MYO1C: variants seen among roughly 807,000 people sequenced by gnomAD.
The protein encoded by MYO1C is myosin IC.
In MYO1C, 104 loss-of-function variants were observed where a neutral mutation model predicts 150.8. That is an observed-to-expected ratio of 0.69 (90% confidence interval 0.59 to 0.81). The LOEUF (loss-of-function observed/expected upper bound fraction) is 0.81. MYO1C is among the 30% of genes least tolerant of loss of function. MYO1C has a pLI of 0.00. For synonymous variants in MYO1C, 663 were observed against 579.9 expected (o/e 1.14, Z -2.06); for missense variants, 1,504 against 1,435.0 (o/e 1.05, Z -0.78).
chr17:1,470,905 C>T (rs1047887746), intron 21 of MYO1C, 166 bp downstream of exon 21: 8 of 938,480 alleles, frequency 8.5e-6, no homozygotes, highest in Non-Finnish European at 1.3e-5. Context: ...TGGGGAGGGG[C>T]TCCAAGTCGG....
Position 1,470,299 on chromosome 17 carries a change from C to A in MYO1C, c.2402G>T (p.Arg801Leu), listed in dbSNP as rs777758050. 1 of 1,335,068 alleles carries A rather than the reference C, an allele frequency of 7.5e-7. No homozygotes were observed. Among genetic ancestry groups the A allele is most frequent in the Non-Finnish European group, 9.8e-7 (1 of 1,018,230 alleles). The allele number at this position is 1,335,068 out of a possible 1,614,324, so 82.7% of individuals were successfully genotyped here. Residue 801 changes from arginine (R) to leucine (L), a missense_variant, in exon 24 of 32, where the codon CGC becomes CTC. By Grantham distance (102) the Arg-to-Leu change is moderately radical. Coordinates refer to ENST00000648651, the MANE Select transcript of MYO1C (RefSeq NM_001080779.2). ...CAGGAAGAAGGCGTTCTCGGGGCAGCGGGGGGCGTGGCGCAGGACGAAGCC... is the reference window on the plus strand; with the variant it reads ...CAGGAAGAAGGCGTTCTCGGGGCAGAGGGGGGCGTGGCGCAGGACGAAGCC... ...IRGFVLRHAP[R>L]CPENAFFLDH...
At position 1,480,751 on chromosome 17, in the gene MYO1C, C is replaced by G; in HGVS notation, c.762G>C (p.Arg254Ser). The change falls in exon 6 of 32, where the codon AGG becomes AGC. Residue 254 changes from arginine (R) to serine (S), a missense_variant. By Grantham distance (110) the Arg-to-Ser change is moderately radical. Coordinates refer to ENST00000648651, the MANE Select transcript of MYO1C (RefSeq NM_001080779.2). ...LEGGEEETLR[R>S]LGLERNPQSY... ...TCTGGGGGTTCCGTTCCAAGCCCAG[C>G]CTGCGAAGAGTCTCCTCCTCGCCCC... 1 of 1,614,190 alleles carries G rather than the reference C, an allele frequency of 6.2e-7. No individual in the cohort carries two copies. The highest frequency in any genetic ancestry group is 1.1e-5 in the South Asian group (1 of 91,080).
Position 1,478,382 on chromosome 17 carries a change from GGA to G in MYO1C, c.1295+26_1295+27del. ...GAGGGAGCAGGACAGGAGACCGGGA[GGA>G]GAGACGGGGGAAAGATGGCACCGAC... On this transcript the variant is annotated intron_variant, in intron 11 of 31. Coordinates refer to ENST00000648651, the MANE Select transcript of MYO1C (RefSeq NM_001080779.2). The surrounding 1 kb of genome is among the most constrained non-coding windows in gnomAD (Gnocchi z 6.3). 1 of 1,613,328 alleles carries G rather than the reference GGA, an allele frequency of 6.2e-7. No homozygotes were observed. Among genetic ancestry groups the G allele is most frequent in the Non-Finnish European group, 8.5e-7 (1 of 1,179,264 alleles).
chr17:1,485,291 G>T (rs2074628458), intron 1 of MYO1C: 1 of 1,127,400 alleles, frequency 8.9e-7, no homozygotes. Flanking sequence ...GAACAAGGTG[G>T]TGGTGATTGG....
At chr17:1,475,387 C>A (rs1455322597) in intron 14 of MYO1C, among the ~76,000 whole-genome samples, 1 of 151,122 alleles carries the variant, frequency 6.6e-6, no homozygotes, top group Non-Finnish European at 1.5e-5. Flanking sequence ...CCACTACACT[C>A]CAAAAAAAAA....
rs2074200668 is a variant in MYO1C at position 1,467,543 on chromosome 17, T to C, written c.3002A>G (p.Glu1001Gly). The C allele has an allele frequency of 6.2e-7, 1 of 1,613,336 alleles. No homozygotes were observed. The highest frequency in any genetic ancestry group is 8.5e-7 in the Non-Finnish European group (1 of 1,179,934). The change falls in exon 30 of 32, where the codon GAG (glutamate) becomes GGG (glycine). Residue 1001 changes from glutamate to glycine, a missense_variant. By Grantham distance (98) the Glu-to-Gly change is moderately conservative (BLOSUM62 -2). Transcript: ENST00000648651. ...ACTGAGGGCTGTCTTGGTCAGCGTC[T>C]CAATCACGTGGTCACTCTGCAGCAC... Reference protein sequence around the residue: ...DVVLQSDHVIETLTKTALSAN... With the variant: ...DVVLQSDHVIGTLTKTALSAN...
At position 1,478,277 on chromosome 17, in the gene MYO1C, C is replaced by T; in HGVS notation, c.1296-85G>A. The T allele has an allele frequency of 3.2e-6, 5 of 1,557,836 alleles. No homozygotes were observed. In the South Asian group the frequency reaches 3.3e-5, roughly 10 times the overall value. On this transcript the variant is annotated intron_variant, in intron 11 of 31. Transcript: ENST00000648651. This position sits in a 1 kb window ranked among gnomAD's most constrained non-coding sequence, Gnocchi z 6.3. ...AAAAGCTGGACGACGCCCCTGAGCA[C>T]AGGAGGTGAGAAACACAGAGACAGT...
In MYO1C at chr17:1,483,792, C is replaced by T. The variant is rs2074590390; in HGVS notation, c.232-67G>A. 5 of 1,327,206 alleles carry T rather than the reference C, an allele frequency of 3.8e-6. No individual in the cohort carries two copies. The Admixed American group carries it at 5.9e-5, about 16-fold the overall frequency. The allele number at this position is 1,327,206 out of a possible 1,614,324, so 82.2% of individuals were successfully genotyped here. The stretch of plus-strand genomic sequence containing the variant: ...GGTGCGATGGCTCATGCCTGTAATC[C>T]CAGCACTTTGGGAGGCCAAGGTGGG... On this transcript the variant is annotated intron_variant, in intron 2 of 31. Transcript: ENST00000648651.
chr17:1,467,130 G>C lies in MYO1C; in HGVS notation c.3165+112C>G, dbSNP rs1185687650. On this transcript the variant is annotated intron_variant, in intron 31 of 31. Transcript: ENST00000648651. ...GGCCAAGGGATGGAAGAGGTGGTATGATGGCCTCTGGATGAAGGCCCATGG... is the reference window on the plus strand; with the variant it reads ...GGCCAAGGGATGGAAGAGGTGGTATCATGGCCTCTGGATGAAGGCCCATGG... 4 of 996,510 alleles carry C rather than the reference G, an allele frequency of 4.0e-6. No individual in the cohort carries two copies. In the East Asian group the frequency reaches 1.0e-4, roughly 26 times the overall value. The allele number at this position is 996,510 out of a possible 1,614,324, so 61.7% of individuals were successfully genotyped here.
chr17:1,480,144 C>CAAAAAAAAA (rs34326248), intron 7 of MYO1C, among the ~76,000 whole-genome samples: 1 of 42,680 alleles, frequency 2.3e-5, no homozygotes, highest in African/African-American at 9.1e-5. Context: ...GACTCCATCT[C>CAAAAAAAAA]AAAAAAAAAA....
At chr17:1,483,834 G>T (rs565319234) in intron 2 of MYO1C, 109 bp from the exon 3 acceptor site, 6 of 862,998 alleles carry the variant, frequency 7.0e-6, no homozygotes, top group Middle Eastern at 5.1e-4. Flanking sequence ...ACCTGAGGTC[G>T]GGAGTTCAAG....
Position 1,465,171 on chromosome 17 carries a change from A to G in MYO1C, c.*555T>C, listed in dbSNP as rs974916417. The G allele has an allele frequency of 6.5e-6, 1 of 152,786 alleles. No homozygotes were observed. The highest frequency in any genetic ancestry group is 1.5e-5 in the Non-Finnish European group (1 of 68,212). 9.5% of individuals were successfully genotyped at this position (152,786 alleles called of 1,614,324 possible). ...AGGCAAGGGTGGTCTCAGCCCCCAG[A>G]TGGAAGTCAGAGTGGGCTGCAAAAG... On this transcript the variant is annotated 3_prime_UTR_variant, in exon 32 of 32. Coordinates refer to ENST00000648651, the MANE Select transcript of MYO1C (RefSeq NM_001080779.2).
intron 25 of MYO1C, chr17:1,469,250 G>C: frequency 2.1e-6 from 1 of 478,288 alleles, no homozygotes; most frequent in Non-Finnish European, 3.9e-6. Flanking sequence ...ACTATAGACG[G>C]GGTAAATACA....
rs1398118009 is a variant in MYO1C at position 1,483,695 on chromosome 17, T to C, written c.262A>G (p.Asn88Asp). 1.2e-6 allele frequency: 2 copies of C among 1,612,978 alleles called. No individual in the cohort carries two copies. Among genetic ancestry groups the C allele is most frequent in the Non-Finnish European group, 1.7e-6 (2 of 1,179,712 alleles). Reference protein sequence around the residue: ...TYIGPVLVSVNPYRDLQIYSR... With the variant: ...TYIGPVLVSVDPYRDLQIYSR... ...TAGATCTGCAGGTCCCGGTAGGGAT[T>C]GACAGAGACCAGGACGGGGCCAATG... Residue 88 changes from asparagine to aspartate, a missense_variant, in exon 3 of 32, where the codon AAT becomes GAT. By Grantham distance (23) the Asn-to-Asp change is conservative. Coordinates refer to ENST00000648651, the MANE Select transcript of MYO1C (RefSeq NM_001080779.2).
rs1165221640 is a variant in MYO1C, at chr17:1,479,529, G to A, written c.1021-27C>T. 2.7e-6 allele frequency: 4 copies of A among 1,506,708 alleles called. No individual in the cohort carries two copies. The highest frequency in any genetic ancestry group is 3.6e-6 in the Non-Finnish European group (4 of 1,103,758). The allele number at this position is 1,506,708 out of a possible 1,614,324, so 93.3% of individuals were successfully genotyped here. ...TGCCAAGGGCAGGCGAGGACACGGTGAGGGTGCACCCCCAGCCCCCGCCCC... is the reference window on the plus strand; with the variant it reads ...TGCCAAGGGCAGGCGAGGACACGGTAAGGGTGCACCCCCAGCCCCCGCCCC... On this transcript the variant is annotated intron_variant, in intron 8 of 31. Coordinates refer to ENST00000648651, the MANE Select transcript of MYO1C (RefSeq NM_001080779.2). The surrounding 1 kb of genome is among the most constrained non-coding windows in gnomAD (Gnocchi z 4.2).
intron 31 of MYO1C, among the ~76,000 whole-genome samples, chr17:1,466,548 G>A (rs572610135): frequency 7.3e-5 from 11 of 151,082 alleles, no homozygotes; most frequent in Admixed American, 5.9e-4. Context: ...GGCTGGTTTC[G>A]AACTCCCAAC....
At chr17:1,474,497 T>TGTGCACGGGC in intron 17 of MYO1C, 113 bp downstream of exon 17, 1 of 1,067,084 alleles carries the variant, frequency 9.4e-7, no homozygotes, top group East Asian at 2.4e-5. Context: ...CACCTGCAGA[T>TGTGCACGGGC]GTGCACGGGC....
At chr17:1,482,417 G>A in intron 5 of MYO1C, 61 bp downstream of exon 5, 1 of 1,435,332 alleles carries the variant, frequency 7.0e-7, no homozygotes, top group South Asian at 1.1e-5. Context: ...TACCCAGTAG[G>A]TGCTTCACAC....
chr17:1,484,911 C>G (rs936739362), intron 1 of MYO1C: 3 of 423,280 alleles, frequency 7.1e-6, no homozygotes, highest in South Asian at 1.6e-5. Flanking sequence ...GGTAGAGCGT[C>G]GAGCACCAAG....
Sources: gnomAD v4.1 joint callset for allele counts (sites outside exome capture counted in the v4.1 genomes callset) on GRCh38, gnomAD v4.1.1 for gene constraint, Gnocchi (gnomAD v3.1) non-coding constraint, MANE v1.5 for transcripts, NCBI Gene and HGNC (gene_info 2026-07-23, HGNC 2026-07-21) for gene names.